TNFSF12: variants seen among roughly 807,000 people sequenced by gnomAD.
The protein encoded by TNFSF12 is TNF superfamily member 12, also known as tumor necrosis factor ligand superfamily member 12.
A neutral mutation model predicts 31.2 loss-of-function variants in TNFSF12; 16 were observed. That is an observed-to-expected ratio of 0.51 (90% CI 0.35 to 0.78). The LOEUF is 0.78. Ranked by LOEUF, TNFSF12 falls within the 30% of genes least tolerant of loss-of-function variation. The pLI is 0.01. For synonymous variants in TNFSF12, 150 were observed against 151.4 expected, an observed-to-expected ratio of 0.99 and a Z score of 0.07; for missense variants, 324 against 338.8, an observed-to-expected ratio of 0.96 and a Z score of 0.34.
chr17:7,551,667 G>T (rs1386592885), intron 5 of TNFSF12, among the ~76,000 whole-genome samples: 1 of 152,206 alleles, frequency 6.6e-6, no homozygotes, highest in Non-Finnish European at 1.5e-5. Context: ...GGAGTGCTCA[G>T]CCGAGGGGTT....
chr17:7,556,029 GGA>G (rs1409438643), intron 5 of TNFSF12, among the ~76,000 whole-genome samples: 1 of 131,696 alleles, frequency 7.6e-6, no homozygotes, highest in Non-Finnish European at 1.6e-5. Context: ...TGCCCAGGCT[GGA>G]GTGCAGTGGC....
In TNFSF12 at chr17:7,557,366, C is replaced by T; in HGVS notation, c.*16C>T. 6.4e-7 allele frequency: 1 copy of T among 1,567,102 alleles called. No homozygotes were observed. Among genetic ancestry groups the T allele is most frequent in the South Asian group, 1.2e-5 (1 of 85,474 alleles). ...GGTTCACTGAGGGGCCCTGGTCTCC[C>T]CGCAGTCGTCCCAGGCTGCCGGCTC... On this transcript the variant is annotated 3_prime_UTR_variant, in exon 7 of 7. Transcript: ENST00000293825. The surrounding 1 kb of genome is among the most constrained non-coding windows in gnomAD (Gnocchi z 5.2).
Position 7,549,797 on chromosome 17 carries a change from G to A in TNFSF12, c.207+276G>A. 1.7e-6 allele frequency: 1 copy of A among 599,198 alleles called. No individual in the cohort carries two copies. Among genetic ancestry groups the A allele is most frequent in the South Asian group, 2.3e-5 (1 of 43,138 alleles). 37.1% of individuals were successfully genotyped at this position (599,198 alleles called of 1,614,324 possible). A position where few individuals can be genotyped will look rare whatever the true frequency, so the allele number is the denominator to read the frequency against. On this transcript the variant is annotated intron_variant, in intron 2 of 6. Transcript: ENST00000293825. This position sits in a 1 kb window ranked among gnomAD's most constrained non-coding sequence, Gnocchi z 4.1. ...AGATATGTGAGTCTGCGTGGAAGAG[G>A]GGTGCGGTTGTGTACAGGGTGTGTA...
At chr17:7,552,279 A>G (rs1403073516) in intron 5 of TNFSF12, among the ~76,000 whole-genome samples, 1 of 151,662 alleles carries the variant, frequency 6.6e-6, no homozygotes, top group African/African-American at 2.4e-5. Flanking sequence ...CGACTAGCTT[A>G]GGCTAGGTCA....
chr17:7,556,672 T>C (rs2071071412), intron 5 of TNFSF12, 106 bp from the exon 6 acceptor site: 1 of 1,347,524 alleles, frequency 7.4e-7, no homozygotes, highest in Admixed American at 2.8e-5. Context: ...CTATGTGTCT[T>C]CTGGGTAAAG....
chr17:7,549,779 T>A lies in TNFSF12; in HGVS notation c.207+258T>A. 1.6e-6 allele frequency: 1 copy of A among 616,562 alleles called. No homozygotes were observed. Among genetic ancestry groups the A allele is most frequent in the South Asian group, 2.3e-5 (1 of 43,392 alleles). The allele number at this position is 616,562 out of a possible 1,614,324, so 38.2% of individuals were successfully genotyped here. ...GGGTGACGTGGTTGTATAAGATATGTGAGTCTGCGTGGAAGAGGGGTGCGG... is the reference window on the plus strand; with the variant it reads ...GGGTGACGTGGTTGTATAAGATATGAGAGTCTGCGTGGAAGAGGGGTGCGG... On this transcript the variant is annotated intron_variant, in intron 2 of 6. Transcript: ENST00000293825. The surrounding 1 kb of genome is among the most constrained non-coding windows in gnomAD (Gnocchi z 4.1).
In TNFSF12 at chr17:7,557,811, T is replaced by C. The variant is rs2071094161; in HGVS notation, c.*461T>C. 6.1e-6 allele frequency: 1 copy of C among 163,838 alleles called. No individual in the cohort carries two copies. Among genetic ancestry groups the C allele is most frequent in the African/African-American group, 2.4e-5 (1 of 41,832 alleles). 10.1% of individuals were successfully genotyped at this position (163,838 alleles called of 1,614,324 possible). ...AAGCTCCTCCCTTGAGAATTCCCTG[T>C]GGATTTTTAAAACAGATATTATTTT... On this transcript the variant is annotated 3_prime_UTR_variant, in exon 7 of 7. Transcript: ENST00000293825. This position sits in a 1 kb window ranked among gnomAD's most constrained non-coding sequence, Gnocchi z 5.2.
In TNFSF12 at chr17:7,557,798, T is replaced by G. The variant is rs1394066629; in HGVS notation, c.*448T>G. ...CGAGAAACAAGACAAGCTCCTCCCT[T>G]GAGAATTCCCTGTGGATTTTTAAAA... On this transcript the variant is annotated 3_prime_UTR_variant, in exon 7 of 7. Coordinates refer to ENST00000293825, the MANE Select transcript of TNFSF12 (RefSeq NM_003809.3). The surrounding 1 kb of genome is among the most constrained non-coding windows in gnomAD (Gnocchi z 5.2). 5.9e-6 allele frequency: 1 copy of G among 168,808 alleles called. No individual in the cohort carries two copies. Among genetic ancestry groups the G allele is most frequent in the Non-Finnish European group, 1.3e-5 (1 of 79,246 alleles). 10.5% of individuals were successfully genotyped at this position (168,808 alleles called of 1,614,324 possible). A position where few individuals can be genotyped will look rare whatever the true frequency, so the allele number is the denominator to read the frequency against.
In TNFSF12 at chr17:7,549,886, C is replaced by T. The variant is rs2070980589; in HGVS notation, c.208-234C>T. 11 of 632,188 alleles carry T rather than the reference C, an allele frequency of 1.7e-5. No homozygotes were observed. Among genetic ancestry groups the T allele is most frequent in the South Asian group, 1.6e-4 (8 of 51,282 alleles). The allele number at this position is 632,188 out of a possible 1,614,324, so 39.2% of individuals were successfully genotyped here. A position where few individuals can be genotyped will look rare whatever the true frequency, so the allele number is the denominator to read the frequency against. On this transcript the variant is annotated intron_variant, in intron 2 of 6. Coordinates refer to ENST00000293825, the MANE Select transcript of TNFSF12 (RefSeq NM_003809.3). This position sits in a 1 kb window ranked among gnomAD's most constrained non-coding sequence, Gnocchi z 4.1. ...ATGTGCCAATTGAATGCAGGGTCTG[C>T]GTTGGTTGTGTGTGTGGGTGGGAAA...
chr17:7,554,833 C>G (rs12604057), intron 5 of TNFSF12, among the ~76,000 whole-genome samples: 64,240 of 141,756 alleles, frequency 0.45, 15,120 homozygotes, highest in Non-Finnish European at 0.56. Context: ...TAGCCAGGAG[C>G]GTCTCGATCT....
intron 5 of TNFSF12, 59 bp downstream of exon 5, chr17:7,551,037 T>C: frequency 6.2e-7 from 1 of 1,610,408 alleles, no homozygotes; most frequent in Non-Finnish European, 8.5e-7. Context: ...CTTGAAAACC[T>C]TTGACCTCCC....
intron 5 of TNFSF12, among the ~76,000 whole-genome samples, chr17:7,555,339 A>C (rs2071048826): frequency 6.6e-6 from 1 of 151,992 alleles, no homozygotes; most frequent in Non-Finnish European, 1.5e-5. Context: ...GGTGGGTGCA[A>C]GCAGAAGCAG....
intron 5 of TNFSF12, among the ~76,000 whole-genome samples, chr17:7,553,032 T>C (rs926787767): frequency 4.8e-4 from 5 of 10,520 alleles, no homozygotes; most frequent in Non-Finnish European, 8.1e-4. Context: ...CCTTTTTTTT[T>C]TTTTTTTTTT....
chr17:7,550,747 T>C lies in TNFSF12; in HGVS notation c.284-52T>C. Reference sequence around the variant, plus strand: ...GGGAATGGGGCTGGGAGAGTTGCTCTGGGACCCCCACTAGGGCCCGCTTTG... The same window carrying C: ...GGGAATGGGGCTGGGAGAGTTGCTCCGGGACCCCCACTAGGGCCCGCTTTG... On this transcript the variant is annotated intron_variant, in intron 3 of 6. Coordinates refer to ENST00000293825, the MANE Select transcript of TNFSF12 (RefSeq NM_003809.3). This position sits in a 1 kb window ranked among gnomAD's most constrained non-coding sequence, Gnocchi z 4.4. The C allele has an allele frequency of 6.3e-7, 1 of 1,586,206 alleles. No individual in the cohort carries two copies. Among genetic ancestry groups the C allele is most frequent in the Non-Finnish European group, 8.6e-7 (1 of 1,158,784 alleles).
In TNFSF12 at chr17:7,555,973, G is replaced by GTTTTTTGTTTTTTTTTTTTTTTT. The variant is rs1555564686; in HGVS notation, c.374-799_374-798insGTTTTTTTTTTTTTTTTTTTTTT. 1.6e-3 allele frequency among the ~76,000 whole-genome samples: 110 copies of GTTTTTTGTTTTTTTTTTTTTTTT among 70,906 alleles called. 2 individuals are homozygous for GTTTTTTGTTTTTTTTTTTTTTTT. The highest frequency in any genetic ancestry group is 2.3e-3 in the Non-Finnish European group (89 of 38,452). 46.5% of individuals were successfully genotyped at this position (70,906 alleles called of 152,430 possible). A position where few individuals can be genotyped will look rare whatever the true frequency, so the allele number is the denominator to read the frequency against. ...GTGGAAATAAAAATGCCCAGTGAGC[G>GTTTTTTGTTTTTTTTTTTTTTTT]TTTTTTTTGTTTTTTTTTTTTTTTG... On this transcript the variant is annotated intron_variant, in intron 5 of 6. Coordinates refer to ENST00000293825, the MANE Select transcript of TNFSF12 (RefSeq NM_003809.3).
At chr17:7,553,729 GGGGCC>G in intron 5 of TNFSF12, 2 of 1,264,424 alleles carry the variant, frequency 1.6e-6, no homozygotes, top group Non-Finnish European at 1.0e-6. Context: ...GGTCCATGCA[GGGGCC>G]ACATCCAAAA....
Position 7,549,564 on chromosome 17 carries a change from G to T in TNFSF12, c.207+43G>T. 1 of 1,511,622 alleles carries T rather than the reference G, an allele frequency of 6.6e-7. No individual in the cohort carries two copies. 93.6% of individuals were successfully genotyped at this position (1,511,622 alleles called of 1,614,324 possible). On this transcript the variant is annotated intron_variant, in intron 2 of 6. Coordinates refer to ENST00000293825, the MANE Select transcript of TNFSF12 (RefSeq NM_003809.3). The surrounding 1 kb of genome is among the most constrained non-coding windows in gnomAD (Gnocchi z 4.1). ...CGGTCTGCAGGCTGCTGGGGCATGG[G>T]AAGTGTGCACAGCCGAGGCTGCAGG...
rs1555564686 is a variant in TNFSF12, at chr17:7,555,973, G to GTTTTTTGTTTTTTTTT, written c.374-799_374-798insGTTTTTTTTTTTTTTT. 1.1e-3 allele frequency among the ~76,000 whole-genome samples: 79 copies of GTTTTTTGTTTTTTTTT among 70,886 alleles called. 11 individuals are homozygous for GTTTTTTGTTTTTTTTT. The highest frequency in any genetic ancestry group is 3.1e-3 in the East Asian group (7 of 2,294). 46.5% of individuals were successfully genotyped at this position (70,886 alleles called of 152,430 possible). ...GTGGAAATAAAAATGCCCAGTGAGCGTTTTTTTTGTTTTTTTTTTTTTTTG... is the reference window on the plus strand; with the variant it reads ...GTGGAAATAAAAATGCCCAGTGAGCGTTTTTTGTTTTTTTTTTTTTTTTTGTTTTTTTTTTTTTTTG... On this transcript the variant is annotated intron_variant, in intron 5 of 6. Coordinates refer to ENST00000293825, the MANE Select transcript of TNFSF12 (RefSeq NM_003809.3).
At chr17:7,555,554 C>A (rs979324625) in intron 5 of TNFSF12, among the ~76,000 whole-genome samples, 1 of 152,176 alleles carries the variant, frequency 6.6e-6, no homozygotes, top group Non-Finnish European at 1.5e-5. Flanking sequence ...CTTACGTCTG[C>A]ATCTTAGAGA....
Sources: allele counts gnomAD v4.1 joint callset (sites outside exome capture counted in the v4.1 genomes callset), GRCh38; gene constraint gnomAD v4.1.1; non-coding constraint Gnocchi (gnomAD v3.1); transcripts MANE v1.5; gene names NCBI Gene and HGNC (gene_info 2026-07-23, HGNC 2026-07-21).